Variants in FZD6 observed in about 807,000 individuals in gnomAD.
FZD6 encodes the protein frizzled class receptor 6, also known as frizzled-6.
In FZD6, 49 loss-of-function variants were observed where a neutral mutation model predicts 61.4. The observed-to-expected ratio is 0.80, with a 90% confidence interval of 0.63 to 1.01. The LOEUF is 1.01. Ranked by LOEUF, FZD6 falls within the 50% of genes least tolerant of loss-of-function variation. The probability of loss-of-function intolerance (pLI) is 0.00; values close to 1 mark genes in which losing one functional copy is unlikely to be tolerated. For missense variants in FZD6, 724 were observed against 848.2 expected (o/e 0.85, Z 1.82); for synonymous variants, 265 against 292.2 (o/e 0.91, Z 0.95).
chr8:103,327,105 T>G (rs989535724), intron 4 of FZD6, among the ~76,000 whole-genome samples: 1 of 152,254 alleles, frequency 6.6e-6, no homozygotes, highest in Admixed American at 6.5e-5. Flanking sequence ...TACAGATGTA[T>G]AATGTGTGTA....
At chr8:103,315,517 A>G (rs1814603640) in intron 2 of FZD6, among the ~76,000 whole-genome samples, 1 of 152,206 alleles carries the variant, frequency 6.6e-6, no homozygotes, top group Non-Finnish European at 1.5e-5. Flanking sequence ...AAAAGAAAAC[A>G]CACTATATGA....
intron 2 of FZD6, among the ~76,000 whole-genome samples, chr8:103,315,839 C>G (rs886686183): frequency 6.6e-6 from 1 of 152,194 alleles, no homozygotes; most frequent in East Asian, 1.9e-4. Context: ...AGTCCTTGCC[C>G]ACCCTTTTCC....
intron 2 of FZD6, among the ~76,000 whole-genome samples, chr8:103,308,174 A>G (rs1814394942): frequency 6.6e-6 from 1 of 152,226 alleles, no homozygotes; most frequent in Non-Finnish European, 1.5e-5. Flanking sequence ...GTGCAACTAG[A>G]GAAAAGGCTG....
chr8:103,326,564 AAATAT>A (rs967726073), intron 4 of FZD6, among the ~76,000 whole-genome samples: 16 of 152,090 alleles, frequency 1.1e-4, no homozygotes, highest in African/African-American at 2.6e-4. Flanking sequence ...AGAAACTGTA[AAATAT>A]AATAGAATTA....
intron 5 of FZD6, 81 bp downstream of exon 5, chr8:103,328,497 A>G (rs1292976826): frequency 9.2e-7 from 1 of 1,088,878 alleles, no homozygotes; most frequent in Non-Finnish European, 1.4e-6. Context: ...TCAATGTACT[A>G]GAGTTTCATT....
At chr8:103,326,764 C>T (rs1814964162) in intron 4 of FZD6, among the ~76,000 whole-genome samples, 1 of 149,432 alleles carries the variant, frequency 6.7e-6, no homozygotes, top group African/African-American at 2.4e-5. Flanking sequence ...TTGCATATGA[C>T]ATCATAGCTG....
At chr8:103,313,134 A>G (rs1171168108) in intron 2 of FZD6, among the ~76,000 whole-genome samples, 1 of 152,094 alleles carries the variant, frequency 6.6e-6, no homozygotes, top group African/African-American at 2.4e-5. Context: ...AAGTTACTTA[A>G]CCTCTCAGAG....
At chr8:103,321,641 G>A (rs1814790653) in intron 3 of FZD6, among the ~76,000 whole-genome samples, 1 of 152,226 alleles carries the variant, frequency 6.6e-6, no homozygotes. Context: ...TTCCCCAGGA[G>A]AATGCCTTTG....
intron 2 of FZD6, among the ~76,000 whole-genome samples, chr8:103,306,540 G>T (rs1476417190): frequency 9.0e-6 from 1 of 110,702 alleles, no homozygotes; most frequent in East Asian, 3.0e-4. Flanking sequence ...GTCTCGTTCT[G>T]TCACCCAGGC....
chr8:103,317,465 G>T (rs1814659573), intron 2 of FZD6, among the ~76,000 whole-genome samples: 1 of 152,154 alleles, frequency 6.6e-6, no homozygotes, highest in Non-Finnish European at 1.5e-5. Flanking sequence ...CTGTTAGGAG[G>T]CCATTTTAGT....
intron 2 of FZD6, among the ~76,000 whole-genome samples, chr8:103,306,226 T>C (rs1165784474): frequency 6.6e-6 from 1 of 152,208 alleles, no homozygotes; most frequent in Non-Finnish European, 1.5e-5. Flanking sequence ...ATGGAAATAA[T>C]GTAAATTCCT....
intron 6 of FZD6, among the ~76,000 whole-genome samples, chr8:103,330,976 G>A (rs1246151694): frequency 6.6e-6 from 1 of 152,176 alleles, no homozygotes; most frequent in Non-Finnish European, 1.5e-5. Context: ...AGGAGATCGA[G>A]ACCATTCTGG....
chr8:103,323,368 A>G (rs763045275), intron 3 of FZD6, among the ~76,000 whole-genome samples: 3 of 151,454 alleles, frequency 2.0e-5, no homozygotes, highest in Non-Finnish European at 4.4e-5. Flanking sequence ...TTTTATGGGC[A>G]TATGTTTTAG....
In FZD6 at chr8:103,318,686, G is replaced by C. The variant is rs765509501; in HGVS notation, c.274G>C (p.Val92Leu). ...AACCTGCATAGAACAAATTCATGTG[G>C]TTCCACCTTGTCGTAAACTTTGTGA... ...VPTCIEQIHV[V>L]PPCRKLCEKV... Residue 92 changes from valine (V) to leucine (L), a missense_variant, in exon 3 of 7, where the codon GTT becomes CTT. Physicochemically the swap from Val to Leu is conservative, Grantham distance 32 (BLOSUM62 1). Transcript: ENST00000358755. 4 of 1,606,276 alleles carry C rather than the reference G, an allele frequency of 2.5e-6. No homozygotes were observed. In the East Asian group the frequency reaches 8.9e-5, roughly 36 times the overall value.
In FZD6 at chr8:103,304,071, C is replaced by T. The variant is rs922863096; in HGVS notation, c.177+3787C>T. Among the ~76,000 whole-genome samples the T allele has an allele frequency of 2.6e-5, 4 of 151,978 alleles. No individual in the cohort carries two copies. In the South Asian group the frequency reaches 6.2e-4, roughly 24 times the overall value. On this transcript the variant is annotated intron_variant, in intron 2 of 6. Coordinates refer to ENST00000358755, the MANE Select transcript of FZD6 (RefSeq NM_003506.4). ...CAGATTGGGTTTTACACCTCCAACC[C>T]GATTACCTTTAGTTTCTGCTGGTTC...
chr8:103,305,789 T>G (rs923223626), intron 2 of FZD6, among the ~76,000 whole-genome samples: 1 of 152,252 alleles, frequency 6.6e-6, no homozygotes, highest in Non-Finnish European at 1.5e-5. Context: ...CTTTTGAAAC[T>G]GCAGAATAAG....
At chr8:103,300,927 A>C (rs1814150454) in intron 2 of FZD6, among the ~76,000 whole-genome samples, 1 of 152,144 alleles carries the variant, frequency 6.6e-6, no homozygotes, top group African/African-American at 2.4e-5. Flanking sequence ...GAGATATGCA[A>C]ATTACTAGGG....
intron 2 of FZD6, among the ~76,000 whole-genome samples, chr8:103,315,358 C>G (rs1336677238): frequency 6.6e-6 from 1 of 152,190 alleles, no homozygotes. Flanking sequence ...GCACTTCAGA[C>G]TGTCCATCAA....
At chr8:103,310,003 G>T (rs1442728113) in intron 2 of FZD6, among the ~76,000 whole-genome samples, 1 of 152,102 alleles carries the variant, frequency 6.6e-6, no homozygotes, top group Admixed American at 6.5e-5. Flanking sequence ...TTGAAGACTG[G>T]TGGGATGGGG....
Sources: gnomAD v4.1 joint callset for allele counts (sites outside exome capture counted in the v4.1 genomes callset) on GRCh38, gnomAD v4.1.1 for gene constraint, MANE v1.5 for transcripts, NCBI Gene and HGNC (gene_info 2026-07-23, HGNC 2026-07-21) for gene names.